The following TNS3 variants were observed in gnomAD, a reference collection of about 807,000 sequenced individuals.
The protein encoded by TNS3 is tensin-3.
TNS3 carries 45 observed loss-of-function variants against 140.9 expected under a neutral mutation model. The observed-to-expected ratio is 0.32, with a 90% CI of 0.25 to 0.41. The LOEUF (loss-of-function observed/expected upper bound fraction) is 0.41, where lower values mean the gene tolerates loss of function less well. Ranked by LOEUF, TNS3 falls within the 10% of genes least tolerant of loss-of-function variation. The pLI is 1.00. For missense variants in TNS3, 1,716 were observed against 1,906.7 expected, an observed-to-expected ratio of 0.90 and a Z score of 1.86; for synonymous variants, 815 against 788.4, an observed-to-expected ratio of 1.03 and a Z score of -0.56.
intron 20 of TNS3, among the ~76,000 whole-genome samples, chr7:47,333,007 G>A (rs1325458499): frequency 1.3e-5 from 2 of 152,192 alleles, no homozygotes; most frequent in South Asian, 2.1e-4. Flanking sequence ...GTGAGCAAAC[G>A]AGAACATTCA....
intron 23 of TNS3, 44 bp from the exon 24 acceptor site, chr7:47,297,257 C>T (rs1195784323): frequency 6.3e-7 from 1 of 1,580,408 alleles, no homozygotes; most frequent in Non-Finnish European, 8.6e-7. Flanking sequence ...GCCGGGTGGA[C>T]AAAGGTCTAT....
intron 1 of TNS3, among the ~76,000 whole-genome samples, chr7:47,530,838 A>AAAAAATATATATATAT: frequency 2.2e-4 from 12 of 54,562 alleles, no homozygotes; most frequent in African/African-American, 3.2e-4. Flanking sequence ...AAAAAAAAAA[A>AAAAAATATATATATAT]ATATATATAT....
intron 3 of TNS3, among the ~76,000 whole-genome samples, chr7:47,490,610 A>T (rs1797774901): frequency 6.6e-6 from 1 of 152,224 alleles, no homozygotes; most frequent in Admixed American, 6.5e-5. Context: ...GGAGCATCCC[A>T]TTCTTGGGCC....
At chr7:47,553,579 T>C (rs1465988555) in intron 1 of TNS3, among the ~76,000 whole-genome samples, 1 of 152,236 alleles carries the variant, frequency 6.6e-6, no homozygotes, top group African/African-American at 2.4e-5. Flanking sequence ...TTAAGCTCAC[T>C]GTTGAGACTT....
chr7:47,343,765 A>C (rs191487966), intron 20 of TNS3, among the ~76,000 whole-genome samples: 1 of 152,396 alleles, frequency 6.6e-6, no homozygotes, highest in Admixed American at 6.5e-5. Context: ...TTTAAATTTC[A>C]GTAGCACTTA....
At chr7:47,305,082 T>G (rs1286150636) in intron 20 of TNS3, 79 bp from the exon 21 acceptor site, 29 of 1,174,756 alleles carry the variant, frequency 2.5e-5, no homozygotes, top group Non-Finnish European at 3.2e-5. Context: ...TTTTGCATGT[T>G]CCACAAGAAA....
In TNS3 at chr7:47,303,028, C is replaced by G; in HGVS notation, c.3379G>C (p.Gly1127Arg). ...GGGAAGGGGATACTGATGGTGCTCCCGCTGTGCGGGCTGGAGAAGCCACTG... is the reference window on the plus strand; with the variant it reads ...GGGAAGGGGATACTGATGGTGCTCCGGCTGTGCGGGCTGGAGAAGCCACTG... ...SSSGFSSPHS[G>R]STISIPFPNV... Residue 1127 changes from glycine (G) to arginine (R), a missense_variant, in exon 22 of 31, where the codon GGG becomes CGG. Coordinates refer to ENST00000311160, the MANE Select transcript of TNS3 (RefSeq NM_022748.12). 1 of 1,614,070 alleles carries G rather than the reference C, an allele frequency of 6.2e-7. No homozygotes were observed. Among genetic ancestry groups the G allele is most frequent in the Non-Finnish European group, 8.5e-7 (1 of 1,179,994 alleles).
intron 27 of TNS3, among the ~76,000 whole-genome samples, chr7:47,285,223 A>T (rs909428388): frequency 2.6e-5 from 4 of 152,196 alleles, no homozygotes; most frequent in African/African-American, 4.8e-5. Flanking sequence ...CGCAAAGGCC[A>T]TATTGTTTAT....
chr7:47,281,607 C>T (rs757824626), intron 28 of TNS3, among the ~76,000 whole-genome samples: 1 of 152,180 alleles, frequency 6.6e-6, no homozygotes, highest in East Asian at 1.9e-4. Flanking sequence ...GAAGATCCCC[C>T]TTTTGTCTAG....
intron 4 of TNS3, among the ~76,000 whole-genome samples, chr7:47,447,034 T>C (rs1795777526): frequency 1.0e-5 from 1 of 100,162 alleles, no homozygotes; most frequent in African/African-American, 3.0e-5. Context: ...CTGGAGCTCA[T>C]CCTGGCCACG....
intron 12 of TNS3, among the ~76,000 whole-genome samples, chr7:47,413,478 A>G (rs1264509303): frequency 1.3e-5 from 2 of 151,622 alleles, no homozygotes; most frequent in South Asian, 4.2e-4. Flanking sequence ...GGTGGCTCAC[A>G]TCTGTAATCC....
At chr7:47,315,859 A>G (rs999689426) in intron 20 of TNS3, among the ~76,000 whole-genome samples, 2 of 152,268 alleles carry the variant, frequency 1.3e-5, no homozygotes, top group African/African-American at 4.8e-5. Context: ...CATAAAAATT[A>G]TTCACTCATA....
chr7:47,383,381 G>C (rs1791887935), intron 16 of TNS3, among the ~76,000 whole-genome samples: 1 of 152,168 alleles, frequency 6.6e-6, no homozygotes, highest in Non-Finnish European at 1.5e-5. Context: ...GTTGCCAGGG[G>C]CTGAGGAAAG....
At chr7:47,457,702 T>A (rs1287885253) in intron 4 of TNS3, among the ~76,000 whole-genome samples, 3 of 152,084 alleles carry the variant, frequency 2.0e-5, no homozygotes, top group African/African-American at 7.3e-5. Context: ...TATGGTGCCC[T>A]CCATCCATCT....
intron 28 of TNS3, among the ~76,000 whole-genome samples, chr7:47,280,559 T>C (rs1266299542): frequency 6.6e-6 from 1 of 152,190 alleles, no homozygotes; most frequent in East Asian, 1.9e-4. Flanking sequence ...TTGTTACCAG[T>C]AGACGGAAGC....
At chr7:47,414,443 CA>C (rs1299085863) in intron 11 of TNS3, among the ~76,000 whole-genome samples, 1 of 152,186 alleles carries the variant, frequency 6.6e-6, no homozygotes, top group African/African-American at 2.4e-5. Flanking sequence ...AAGGAGAGGA[CA>C]GGGCCCTGAC....
intron 1 of TNS3, among the ~76,000 whole-genome samples, chr7:47,535,010 C>G (rs1313154820): frequency 2.0e-5 from 3 of 152,240 alleles, no homozygotes; most frequent in African/African-American, 7.2e-5. Context: ...ACACATCTCT[C>G]TATTGCAATG....
At chr7:47,529,886 A>C (rs935334173) in intron 1 of TNS3, among the ~76,000 whole-genome samples, 2 of 152,260 alleles carry the variant, frequency 1.3e-5, no homozygotes, top group Non-Finnish European at 2.9e-5. Context: ...CTTAATATCC[A>C]TATGGATTCA....
At chr7:47,475,569 G>A (rs752562840) in intron 4 of TNS3, among the ~76,000 whole-genome samples, 1 of 152,228 alleles carries the variant, frequency 6.6e-6, no homozygotes, top group African/African-American at 2.4e-5. Flanking sequence ...ACTCAGGCTG[G>A]CTGTGGGCTG....
Sources: allele counts gnomAD v4.1 joint callset (sites outside exome capture counted in the v4.1 genomes callset), GRCh38; gene constraint gnomAD v4.1.1; transcripts MANE v1.5; gene names NCBI Gene and HGNC (gene_info 2026-07-23, HGNC 2026-07-21).